CDS2: variants seen among roughly 807,000 people sequenced by gnomAD.
CDS2 encodes the protein phosphatidate cytidylyltransferase 2.
In CDS2, 47 loss-of-function variants were observed where a neutral mutation model predicts 59.0. That is an observed-to-expected ratio of 0.80 (90% CI 0.63 to 1.02). The LOEUF (loss-of-function observed/expected upper bound fraction) is 1.02, where lower values mean the gene tolerates loss of function less well. Among genes scored for constraint, CDS2 ranks in the 50% least tolerant of loss-of-function variants. The pLI, the probability that CDS2 is intolerant of heterozygous loss-of-function variation, is 0.00. For synonymous variants in CDS2, 207 were observed against 206.4 expected (o/e 1.00, Z -0.02); for missense variants, 356 against 558.9 (o/e 0.64, Z 3.66).
intron 1 of CDS2, among the ~76,000 whole-genome samples, chr20:5,135,995 T>C (rs1038721229): frequency 2.0e-5 from 3 of 152,178 alleles, no homozygotes; most frequent in Admixed American, 6.5e-5. Flanking sequence ...AAGGTCTCCA[T>C]AGGGCCAGCT....
chr20:5,177,716 G>A (rs1004477861), intron 4 of CDS2, among the ~76,000 whole-genome samples: 1 of 152,176 alleles, frequency 6.6e-6, no homozygotes, highest in African/African-American at 2.4e-5. Flanking sequence ...CACTGTCAAG[G>A]AAGCCGATGT....
At chr20:5,183,315 G>A in intron 7 of CDS2, 172 bp downstream of exon 7, 1 of 606,340 alleles carries the variant, frequency 1.6e-6, no homozygotes, top group Non-Finnish European at 3.0e-6. Context: ...ATTAGATCTG[G>A]GGTAGGCTTG....
intron 1 of CDS2, among the ~76,000 whole-genome samples, chr20:5,144,008 G>A (rs1034557550): frequency 4.0e-5 from 6 of 151,828 alleles, no homozygotes; most frequent in Admixed American, 2.6e-4. Flanking sequence ...CAAGTGATCC[G>A]CCCACCTTGA....
intron 1 of CDS2, among the ~76,000 whole-genome samples, chr20:5,156,630 T>C (rs1287124257): frequency 6.6e-6 from 1 of 152,124 alleles, no homozygotes; most frequent in Non-Finnish European, 1.5e-5. Context: ...AGGCAGCCAG[T>C]CACATTGACT....
At chr20:5,135,658 G>C (rs944675872) in intron 1 of CDS2, among the ~76,000 whole-genome samples, 1 of 152,148 alleles carries the variant, frequency 6.6e-6, no homozygotes, top group Non-Finnish European at 1.5e-5. Flanking sequence ...CCACCGGGCA[G>C]CTTCCTATGC....
At chr20:5,182,530 T>A in intron 6 of CDS2, 85 bp downstream of exon 6, 1 of 1,253,114 alleles carries the variant, frequency 8.0e-7, no homozygotes, top group Non-Finnish European at 1.1e-6. Flanking sequence ...ATGCTTTCTG[T>A]GACAAATCAA....
At chr20:5,169,549 A>T (rs2090939563) in intron 1 of CDS2, among the ~76,000 whole-genome samples, 1 of 152,208 alleles carries the variant, frequency 6.6e-6, no homozygotes, top group South Asian at 2.1e-4. Context: ...GCAGTGGTGA[A>T]CAGGTAACTC....
intron 1 of CDS2, among the ~76,000 whole-genome samples, chr20:5,145,186 G>A (rs576263371): frequency 6.7e-6 from 1 of 150,310 alleles, no homozygotes; most frequent in South Asian, 2.1e-4. Flanking sequence ...CGTAGATGGA[G>A]TCTTTTGCCC....
At chr20:5,185,406 T>A (rs2091060182) in intron 8 of CDS2, among the ~76,000 whole-genome samples, 1 of 152,192 alleles carries the variant, frequency 6.6e-6, no homozygotes, top group Non-Finnish European at 1.5e-5. Context: ...GCCTGGGTGA[T>A]GGGGCAAGAT....
intron 1 of CDS2, among the ~76,000 whole-genome samples, chr20:5,141,816 G>C (rs192140473): frequency 6.6e-6 from 1 of 152,252 alleles, no homozygotes; most frequent in Non-Finnish European, 1.5e-5. Flanking sequence ...ACTGTCCGCT[G>C]CAGAATTGAT....
intron 1 of CDS2, among the ~76,000 whole-genome samples, chr20:5,147,597 G>T (rs1430555360): frequency 6.6e-6 from 1 of 152,096 alleles, no homozygotes; most frequent in South Asian, 2.1e-4. Flanking sequence ...TTTTGTAGGG[G>T]CTCCCTATGT....
intron 1 of CDS2, among the ~76,000 whole-genome samples, chr20:5,156,525 C>T (rs1367294087): frequency 6.6e-6 from 1 of 152,068 alleles, no homozygotes; most frequent in Non-Finnish European, 1.5e-5. Context: ...TGTGGAGATA[C>T]AGCCTGGGGG....
At chr20:5,145,801 G>T in intron 1 of CDS2, among the ~76,000 whole-genome samples, 1 of 146,814 alleles carries the variant, frequency 6.8e-6, no homozygotes, top group South Asian at 2.2e-4. Flanking sequence ...GAAGTTCCAA[G>T]TTGTGTGTTT....
intron 3 of CDS2, chr20:5,176,414 C>T (rs2090995536): frequency 2.1e-6 from 1 of 474,226 alleles, no homozygotes; most frequent in South Asian, 3.1e-5. Flanking sequence ...TTAATTGAAA[C>T]ATCAGGGTGT....
chr20:5,127,237 C>G lies in CDS2; in HGVS notation c.57+88C>G, dbSNP rs914132897. On this transcript the variant is annotated intron_variant, in intron 1 of 12. Coordinates refer to ENST00000460006, the MANE Select transcript of CDS2 (RefSeq NM_003818.4). ...ACGCGCGCAGAGGGGTCGTCTTGTTCTCTGACCCTTTGTCGCAGCCGACGG... is the reference window on the plus strand; with the variant it reads ...ACGCGCGCAGAGGGGTCGTCTTGTTGTCTGACCCTTTGTCGCAGCCGACGG... 4.2e-6 allele frequency: 5 copies of G among 1,185,416 alleles called. No individual in the cohort carries two copies. In the Admixed American group the frequency reaches 1.4e-4, roughly 33 times the overall value. The allele number at this position is 1,185,416 out of a possible 1,614,324, so 73.4% of individuals were successfully genotyped here.
At chr20:5,182,943 C>A in intron 6 of CDS2, 118 bp from the exon 7 acceptor site, 1 of 775,312 alleles carries the variant, frequency 1.3e-6, no homozygotes, top group Non-Finnish European at 2.2e-6. Flanking sequence ...AAGTCAGATA[C>A]AAAAGCAGAT....
At position 5,173,679 on chromosome 20, in the gene CDS2, CAGG is replaced by C. The variant is rs778144270; in HGVS notation, c.194+21_194+23del. 3 of 1,613,444 alleles carry C rather than the reference CAGG, an allele frequency of 1.9e-6. No individual in the cohort carries two copies. In the East Asian group the frequency reaches 6.7e-5, roughly 36 times the overall value. The stretch of plus-strand genomic sequence containing the variant: ...TTCAAGGTAACCTGGCTTAATGATG[CAGG>C]TGCTTGTTGGGGGCTTTGCACCATG... On this transcript the variant is annotated intron_variant, in intron 2 of 12. Transcript: ENST00000460006.
chr20:5,168,775 C>T (rs2090933085), intron 1 of CDS2: 3 of 390,748 alleles, frequency 7.7e-6, no homozygotes, highest in South Asian at 5.7e-5. Context: ...GAGCTAGGTC[C>T]CTCCCCAGGA....
chr20:5,155,763 A>T (rs2090828842), intron 1 of CDS2, among the ~76,000 whole-genome samples: 1 of 152,226 alleles, frequency 6.6e-6, no homozygotes, highest in Non-Finnish European at 1.5e-5. Flanking sequence ...TCCAGGGATT[A>T]GGAAGTGAAT....
Sources: gnomAD v4.1 joint callset for allele counts (sites outside exome capture counted in the v4.1 genomes callset) on GRCh38, gnomAD v4.1.1 for gene constraint, MANE v1.5 for transcripts, NCBI Gene and HGNC (gene_info 2026-07-23, HGNC 2026-07-21) for gene names.